BICD2: variants seen among roughly 807,000 people sequenced by gnomAD.
The protein encoded by BICD2 is protein bicaudal D homolog 2.
Under a neutral mutation model 72.9 loss-of-function variants are expected in BICD2, and 25 were observed. The observed-to-expected ratio is 0.34, with a 90% CI of 0.25 to 0.48. The LOEUF (loss-of-function observed/expected upper bound fraction) is 0.48, where lower values mean the gene tolerates loss of function less well. Ranked by LOEUF, BICD2 falls within the 20% of genes least tolerant of loss-of-function variation. BICD2 has a pLI of 0.99. For synonymous variants in BICD2, 501 were observed against 516.1 expected, an observed-to-expected ratio of 0.97 and a Z score of 0.40; for missense variants, 894 against 1,175.2, an observed-to-expected ratio of 0.76 and a Z score of 3.50.
chr9:92,722,882 C>A, intron 2 of BICD2, 74 bp from the exon 3 acceptor site: 2 of 1,577,752 alleles, frequency 1.3e-6, no homozygotes, highest in Non-Finnish European at 8.7e-7. Context: ...CAGCCAGGCA[C>A]GCCATGGCCA....
rs777337517 is a variant in BICD2, at chr9:92,764,790, G to A, written c.-46C>T. 2.6e-5 allele frequency: 36 copies of A among 1,380,386 alleles called. No individual in the cohort carries two copies. In the Admixed American group the frequency reaches 9.8e-4, roughly 38 times the overall value. 85.5% of individuals were successfully genotyped at this position (1,380,386 alleles called of 1,614,324 possible). A position where few individuals can be genotyped will look rare whatever the true frequency, so the allele number is the denominator to read the frequency against. ...GCTCCCACTGAGGCTCTCGCAGGCC[G>A]GGCCCTCCTCAGCCGCCGCCGCTGC... On this transcript the variant is annotated 5_prime_UTR_variant, in exon 1 of 7. Transcript: ENST00000356884. The surrounding 1 kb of genome is among the most constrained non-coding windows in gnomAD (Gnocchi z 5.5).
At chr9:92,759,792 C>T (rs922775713) in intron 1 of BICD2, among the ~76,000 whole-genome samples, 4 of 152,226 alleles carry the variant, frequency 2.6e-5, no homozygotes, top group African/African-American at 4.8e-5. Context: ...TTCTTACCCC[C>T]GATGTGTGTA....
intron 1 of BICD2, among the ~76,000 whole-genome samples, chr9:92,739,565 G>A (rs1853857673): frequency 6.6e-6 from 1 of 152,208 alleles, no homozygotes; most frequent in Non-Finnish European, 1.5e-5. Flanking sequence ...GGGAGGCAAA[G>A]CCTTTGGAGC....
At chr9:92,756,649 G>A (rs370487494) in intron 1 of BICD2, among the ~76,000 whole-genome samples, 1 of 151,314 alleles carries the variant, frequency 6.6e-6, no homozygotes, top group East Asian at 2.0e-4. Flanking sequence ...GAGGCAGGCA[G>A]ATCATGAGGT....
chr9:92,714,632 A>G lies in BICD2; in HGVS notation c.*522T>C. On this transcript the variant is annotated 3_prime_UTR_variant, in exon 7 of 7. Coordinates refer to ENST00000356884, the MANE Select transcript of BICD2 (RefSeq NM_001003800.2). ...AATATGATTTGCAGTCAGATACTGC[A>G]TAAACTACAACGTACTCCTTTCCAT... is the stretch of plus-strand genomic sequence containing the variant. 1.0e-6 allele frequency: 1 copy of G among 986,074 alleles called. No homozygotes were observed. The highest frequency in any genetic ancestry group is 1.2e-6 in the Non-Finnish European group (1 of 830,416). 61.1% of individuals were successfully genotyped at this position (986,074 alleles called of 1,614,324 possible).
intron 6 of BICD2, among the ~76,000 whole-genome samples, chr9:92,716,439 C>T (rs753656745): frequency 1.3e-5 from 2 of 152,232 alleles, no homozygotes; most frequent in Admixed American, 6.5e-5. Flanking sequence ...TGGGACTCTT[C>T]CTTGTCTGTA....
rs375710311 is a variant in BICD2 at position 92,720,553 on chromosome 9, G to C, written c.809C>G (p.Ser270Cys). The C allele has an allele frequency of 4.3e-6, 7 of 1,614,036 alleles. No homozygotes were observed. The African/African-American group carries it at 6.7e-5, about 15-fold the overall frequency. ...ELSHYMSIND[S>C]FYTSHLHVSL... ...GACATGCAGGTGGCTGGTGTAGAAG[G>C]AGTCATTGATGCTCATGTAGTGTGA... Residue 270 changes from serine (S) to cysteine (C), a missense_variant, in exon 4 of 7, where the codon TCC (serine) becomes TGC (cysteine). Coordinates refer to ENST00000356884, the MANE Select transcript of BICD2 (RefSeq NM_001003800.2). This position sits in a 1 kb window ranked among gnomAD's most constrained non-coding sequence, Gnocchi z 5.4.
intron 1 of BICD2, among the ~76,000 whole-genome samples, chr9:92,752,816 G>A (rs1854177515): frequency 6.6e-6 from 1 of 152,198 alleles, no homozygotes; most frequent in Non-Finnish European, 1.5e-5. Context: ...ACAAGAGTGG[G>A]AGGGAGGGAA....
At chr9:92,739,367 C>T (rs889697868) in intron 1 of BICD2, among the ~76,000 whole-genome samples, 1 of 152,236 alleles carries the variant, frequency 6.6e-6, no homozygotes, top group Non-Finnish European at 1.5e-5. Context: ...GTAGCCCAGA[C>T]AGTCAGCTGA....
In BICD2 at chr9:92,713,991, G is replaced by A; in HGVS notation, c.*1163C>T. ...ACAGGGTGATCGGGAAAAAAGTACT[G>A]AGAAAAGTTCTGCTCAGAATGTGGG... On this transcript the variant is annotated 3_prime_UTR_variant, in exon 7 of 7. Coordinates refer to ENST00000356884, the MANE Select transcript of BICD2 (RefSeq NM_001003800.2). 1.0e-6 allele frequency: 1 copy of A among 987,622 alleles called. No homozygotes were observed. 61.2% of individuals were successfully genotyped at this position (987,622 alleles called of 1,614,324 possible).
intron 1 of BICD2, among the ~76,000 whole-genome samples, chr9:92,744,068 T>C (rs1330285560): frequency 6.6e-6 from 1 of 152,198 alleles, no homozygotes; most frequent in Non-Finnish European, 1.5e-5. Flanking sequence ...TATGTCACCC[T>C]AGCCAGTCCA....
intron 1 of BICD2, among the ~76,000 whole-genome samples, chr9:92,735,680 A>G (rs753820988): frequency 6.6e-6 from 1 of 151,898 alleles, no homozygotes; most frequent in Non-Finnish European, 1.5e-5. Context: ...GGGCCTGTGA[A>G]GCAAACAGCA....
chr9:92,725,246 A>G (rs1296386987), intron 2 of BICD2, among the ~76,000 whole-genome samples: 1 of 152,248 alleles, frequency 6.6e-6, no homozygotes, highest in East Asian at 1.9e-4. Flanking sequence ...GGCAAGGTGT[A>G]CTAGGAGTTC....
chr9:92,758,222 T>C (rs891029652), intron 1 of BICD2, among the ~76,000 whole-genome samples: 3 of 147,308 alleles, frequency 2.0e-5, no homozygotes, highest in African/African-American at 7.5e-5. Flanking sequence ...ATAATAATAA[T>C]AATAATAATA....
In BICD2 at chr9:92,713,588, T is replaced by C; in HGVS notation, c.*1566A>G. ...TAGTTGGCAGAAGAGAAGACCTGCA[T>C]GTGTTAGCAGGGGTCCCAGTGGCTT... On this transcript the variant is annotated 3_prime_UTR_variant, in exon 7 of 7. Transcript: ENST00000356884. 6.5e-7 allele frequency: 1 copy of C among 1,537,418 alleles called. No homozygotes were observed.
intron 1 of BICD2, among the ~76,000 whole-genome samples, chr9:92,744,692 T>G (rs909677772): frequency 4.6e-5 from 7 of 151,986 alleles, no homozygotes; most frequent in African/African-American, 1.7e-4. Flanking sequence ...ATACAAAAAA[T>G]TAGCCAGGTG....
chr9:92,714,604 C>G lies in BICD2; in HGVS notation c.*550G>C. On this transcript the variant is annotated 3_prime_UTR_variant, in exon 7 of 7. Coordinates refer to ENST00000356884, the MANE Select transcript of BICD2 (RefSeq NM_001003800.2). ...GGGGAAGAAATTCTGCACTTCTTTC[C>G]TGAATATGATTTGCAGTCAGATACT... The G allele has an allele frequency of 1.0e-6, 1 of 985,602 alleles. No homozygotes were observed. Among genetic ancestry groups the G allele is most frequent in the African/African-American group, 1.7e-5 (1 of 57,368 alleles). The allele number at this position is 985,602 out of a possible 1,614,324, so 61.1% of individuals were successfully genotyped here. A position where few individuals can be genotyped will look rare whatever the true frequency, so the allele number is the denominator to read the frequency against.
At chr9:92,739,867 G>A (rs562604966) in intron 1 of BICD2, among the ~76,000 whole-genome samples, 14 of 152,294 alleles carry the variant, frequency 9.2e-5, no homozygotes, top group African/African-American at 2.4e-4. Flanking sequence ...GCTCCACTCC[G>A]GGAAGGTCTG....
intron 1 of BICD2, among the ~76,000 whole-genome samples, chr9:92,757,312 CAAAA>C (rs1169381290): frequency 7.8e-4 from 41 of 52,726 alleles, no homozygotes; most frequent in East Asian, 1.8e-3. Context: ...AGACTGTCTC[CAAAA>C]AAAAAAAAAA....
Sources: gnomAD v4.1 joint callset for allele counts (sites outside exome capture counted in the v4.1 genomes callset) on GRCh38, gnomAD v4.1.1 for gene constraint, Gnocchi (gnomAD v3.1) non-coding constraint, MANE v1.5 for transcripts, NCBI Gene and HGNC (gene_info 2026-07-23, HGNC 2026-07-21) for gene names.